Variants in VOPP1 observed in about 807,000 individuals in gnomAD.
The protein encoded by VOPP1 is VOPP1 WW domain binding protein.
A neutral mutation model predicts 23.5 loss-of-function variants in VOPP1; 8 were observed. The ratio of observed to expected loss-of-function variants is 0.34; its 90% CI spans 0.20 to 0.61. VOPP1 has a LOEUF of 0.61. Ranked by LOEUF, VOPP1 falls within the 20% of genes least tolerant of loss-of-function variation. The probability of loss-of-function intolerance (pLI) is 0.78; values close to 1 mark genes in which losing one functional copy is unlikely to be tolerated. For missense variants in VOPP1, 174 were observed against 238.1 expected, an observed-to-expected ratio of 0.73 and a Z score of 1.77; for synonymous variants, 83 against 97.3, an observed-to-expected ratio of 0.85 and a Z score of 0.86.
intron 4 of VOPP1, among the ~76,000 whole-genome samples, chr7:55,450,381 A>G (rs563349329): frequency 1.3e-5 from 2 of 152,158 alleles, no homozygotes; most frequent in East Asian, 1.9e-4. Flanking sequence ...GCATTTCCCT[A>G]TGCACTCTGG....
In VOPP1 at chr7:55,546,007, C is replaced by T. The variant is rs117543938; in HGVS notation, c.55-24877G>A. 4.6e-5 allele frequency among the ~76,000 whole-genome samples: 7 copies of T among 151,914 alleles called. No homozygotes were observed. In the East Asian group the frequency reaches 7.7e-4, roughly 17 times the overall value. On this transcript the variant is annotated intron_variant, in intron 1 of 4. Coordinates refer to ENST00000285279, the MANE Select transcript of VOPP1 (RefSeq NM_030796.5). ...ACCTGAGCCTGAGAGGTCAAGGTTG[C>T]GATGAGCCGTGATTGCACCACTGCA...
intron 1 of VOPP1, among the ~76,000 whole-genome samples, chr7:55,567,028 T>G (rs1205606677): frequency 2.0e-5 from 3 of 152,188 alleles, no homozygotes; most frequent in Non-Finnish European, 4.4e-5. Context: ...ACAACTGAAG[T>G]TGCCCCAAAA....
chr7:55,534,320 T>C (rs1475055056), intron 1 of VOPP1, among the ~76,000 whole-genome samples: 2 of 152,116 alleles, frequency 1.3e-5, no homozygotes, highest in African/African-American at 2.4e-5. Context: ...TCATTTCTCA[T>C]ATAATTTCCT....
chr7:55,527,720 ATC>A (rs1401357232), intron 1 of VOPP1, among the ~76,000 whole-genome samples: 1 of 152,260 alleles, frequency 6.6e-6, no homozygotes, highest in Non-Finnish European at 1.5e-5. Context: ...TGATATCTTT[ATC>A]AATAAAGACT....
intron 1 of VOPP1, among the ~76,000 whole-genome samples, chr7:55,542,793 G>GA (rs202064738): frequency 5.7e-4 from 79 of 139,650 alleles, no homozygotes; most frequent in African/African-American, 6.4e-4. Flanking sequence ...CCATCTCCAA[G>GA]AAAAAAAAAA....
chr7:55,451,231 C>G (rs1791235158), intron 4 of VOPP1, among the ~76,000 whole-genome samples: 1 of 152,172 alleles, frequency 6.6e-6, no homozygotes, highest in Admixed American at 6.5e-5. Context: ...CTGGACACTT[C>G]CGCACAGCCC....
In VOPP1 at chr7:55,567,291, C is replaced by T. The variant is rs1798194298; in HGVS notation, c.54+4980G>A. On this transcript the variant is annotated intron_variant, in intron 1 of 4. Transcript: ENST00000285279. The stretch of plus-strand genomic sequence containing the variant: ...AAAACCTTTGCCCCTAAATTGCTTA[C>T]ATGGTAGAAAGTAAATTCTGTCATA... Among the ~76,000 whole-genome samples the T allele has an allele frequency of 2.0e-5, 3 of 152,290 alleles. No individual in the cohort carries two copies. In the South Asian group the frequency reaches 6.2e-4, roughly 32 times the overall value.
chr7:55,523,575 T>C (rs116980750), intron 1 of VOPP1, among the ~76,000 whole-genome samples: 1,673 of 152,274 alleles, frequency 0.011, 11 homozygotes, highest in Middle Eastern at 0.02. Flanking sequence ...CCCCATCACA[T>C]ACCAGTGAGA....
chr7:55,494,823 G>C (rs1472528685), intron 3 of VOPP1, among the ~76,000 whole-genome samples: 2 of 152,068 alleles, frequency 1.3e-5, no homozygotes, highest in African/African-American at 4.8e-5. Flanking sequence ...TAAAAACAAG[G>C]AAAGAGACGA....
chr7:55,467,810 G>A (rs996169076), downstream of VOPP1, among the ~76,000 whole-genome samples: 2 of 152,228 alleles, frequency 1.3e-5, no homozygotes, highest in African/African-American at 2.4e-5. Context: ...TTCACATGAC[G>A]AGGGTCGTGA....
chr7:55,556,014 G>A (rs1797788463), intron 1 of VOPP1, among the ~76,000 whole-genome samples: 1 of 152,174 alleles, frequency 6.6e-6, no homozygotes, highest in Non-Finnish European at 1.5e-5. Flanking sequence ...ACCTGTATAT[G>A]ATAATGAGAA....
intron 4 of VOPP1, among the ~76,000 whole-genome samples, chr7:55,453,403 A>G (rs2129002088): frequency 6.6e-6 from 1 of 152,328 alleles, no homozygotes; most frequent in Middle Eastern, 3.4e-3. Flanking sequence ...CTTCCTTACT[A>G]GACTTAATCA....
intron 2 of VOPP1, among the ~76,000 whole-genome samples, chr7:55,501,674 C>T (rs1794377541): frequency 6.6e-6 from 1 of 152,190 alleles, no homozygotes; most frequent in Admixed American, 6.5e-5. Flanking sequence ...CTCATGAATA[C>T]CCTCTCAAAT....
At chr7:55,498,533 G>A (rs147340795) in intron 2 of VOPP1, among the ~76,000 whole-genome samples, 1,674 of 152,320 alleles carry the variant, frequency 0.011, 11 homozygotes, top group Middle Eastern at 0.02. Context: ...CCATGAAAGT[G>A]CAAACCCTTC....
Position 55,569,272 on chromosome 7 carries a change from A to T in VOPP1, c.54+2999T>A, listed in dbSNP as rs560268153. Among the ~76,000 whole-genome samples the T allele has an allele frequency of 5.3e-5, 8 of 152,222 alleles. No homozygotes were observed. In the East Asian group the frequency reaches 1.4e-3, roughly 26 times the overall value. On this transcript the variant is annotated intron_variant, in intron 1 of 4. Coordinates refer to ENST00000285279, the MANE Select transcript of VOPP1 (RefSeq NM_030796.5). ...GAACACAACCAGGGTTTCTCAGGAG[A>T]GTCCTGGTGATGCCCACTGTCCAGG...
downstream of VOPP1, among the ~76,000 whole-genome samples, chr7:55,466,140 C>T (rs746904901): frequency 6.6e-6 from 1 of 152,324 alleles, no homozygotes; most frequent in African/African-American, 2.4e-5. Flanking sequence ...TCACCAGACA[C>T]CGAACCTACT....
chr7:55,462,411 G>A (rs1583815958), intron 4 of VOPP1, among the ~76,000 whole-genome samples: 1 of 152,108 alleles, frequency 6.6e-6, no homozygotes, highest in Non-Finnish European at 1.5e-5. Flanking sequence ...CAAGATGTAG[G>A]AAGTTTTCAG....
chr7:55,438,193 C>G (rs1790878753), intron 4 of VOPP1, among the ~76,000 whole-genome samples: 1 of 152,090 alleles, frequency 6.6e-6, no homozygotes, highest in South Asian at 2.1e-4. Flanking sequence ...CTGCGCCTGG[C>G]CCTTCTTTGT....
intron 1 of VOPP1, among the ~76,000 whole-genome samples, chr7:55,533,900 T>C (rs1420474864): frequency 1.3e-5 from 2 of 151,922 alleles, no homozygotes; most frequent in East Asian, 3.9e-4. Flanking sequence ...GGTAGGGAGG[T>C]AGATGAGTGA....
Sources: allele counts gnomAD v4.1 joint callset (sites outside exome capture counted in the v4.1 genomes callset), GRCh38; gene constraint gnomAD v4.1.1; transcripts MANE v1.5; gene names NCBI Gene and HGNC (gene_info 2026-07-23, HGNC 2026-07-21).